The following PSMD1 variants were observed in gnomAD, a reference collection of about 807,000 sequenced individuals.
The protein encoded by PSMD1 is 26S proteasome non-ATPase regulatory subunit 1.
Under a neutral mutation model 119.0 loss-of-function variants are expected in PSMD1, and 18 were observed. The observed-to-expected ratio is 0.15, with a 90% CI of 0.10 to 0.22. The LOEUF (loss-of-function observed/expected upper bound fraction) is 0.22. Ranked by LOEUF, PSMD1 falls within the 10% of genes least tolerant of loss-of-function variation. The pLI is 1.00. For missense variants in PSMD1, 702 were observed against 1,158.5 expected (o/e 0.61, Z 5.72); for synonymous variants, 374 against 396.6 (o/e 0.94, Z 0.68).
At chr2:231,155,235 A>AT (rs1041380743) in intron 19 of PSMD1, among the ~76,000 whole-genome samples, 8 of 151,890 alleles carry the variant, frequency 5.3e-5, no homozygotes, top group African/African-American at 9.7e-5. Flanking sequence ...TTAAGGGAGC[A>AT]TTTTTTTTCA....
At chr2:231,090,746 A>AT (rs1350951380) in intron 16 of PSMD1, among the ~76,000 whole-genome samples, 1 of 152,192 alleles carries the variant, frequency 6.6e-6, no homozygotes, top group Non-Finnish European at 1.5e-5. Flanking sequence ...AGTTGATTCC[A>AT]TCCCTCATGG....
chr2:231,107,102 A>T (rs973052501), intron 16 of PSMD1, among the ~76,000 whole-genome samples: 1 of 152,198 alleles, frequency 6.6e-6, no homozygotes, highest in Non-Finnish European at 1.5e-5. Flanking sequence ...GTAGGGAAAC[A>T]TACCTAAAGC....
intron 5 of PSMD1, among the ~76,000 whole-genome samples, chr2:231,067,513 G>T (rs1365388508): frequency 6.6e-6 from 1 of 152,116 alleles, no homozygotes; most frequent in East Asian, 1.9e-4. Flanking sequence ...TGAGTAAAAT[G>T]GACATTGATC....
intron 6 of PSMD1, 115 bp downstream of exon 6, chr2:231,070,283 G>A (rs752964493): frequency 2.2e-5 from 19 of 861,354 alleles, no homozygotes; most frequent in Non-Finnish European, 2.9e-5. Context: ...ATGTATCTCA[G>A]CTGATCTTCA....
At chr2:231,082,340 A>G (rs1174480750) in intron 12 of PSMD1, among the ~76,000 whole-genome samples, 1 of 152,212 alleles carries the variant, frequency 6.6e-6, no homozygotes, top group Non-Finnish European at 1.5e-5. Context: ...TGCCGGGATT[A>G]CAAGCATGAG....
intron 16 of PSMD1, among the ~76,000 whole-genome samples, chr2:231,130,821 A>T (rs1409058635): frequency 2.0e-5 from 3 of 152,202 alleles, no homozygotes; most frequent in Admixed American, 6.5e-5. Flanking sequence ...ATTAAGGATT[A>T]GTCATTTAAA....
At chr2:231,102,163 T>C (rs529332920) in intron 16 of PSMD1, among the ~76,000 whole-genome samples, 3 of 152,288 alleles carry the variant, frequency 2.0e-5, no homozygotes, top group African/African-American at 7.2e-5. Flanking sequence ...TTGGACATAA[T>C]GATGTTGCAC....
chr2:231,162,202 C>T (rs565080843), intron 20 of PSMD1, among the ~76,000 whole-genome samples: 6 of 152,280 alleles, frequency 3.9e-5, no homozygotes, highest in African/African-American at 1.4e-4. Context: ...TTTCTTAGTC[C>T]TGTGACTTGA....
At chr2:231,089,186 C>T (rs568695020) in intron 16 of PSMD1, among the ~76,000 whole-genome samples, 3 of 152,302 alleles carry the variant, frequency 2.0e-5, no homozygotes, top group African/African-American at 7.2e-5. Flanking sequence ...GAAGCTGTCT[C>T]CATAACATGG....
chr2:231,058,992 T>G (rs1693688119), intron 1 of PSMD1, among the ~76,000 whole-genome samples: 1 of 152,180 alleles, frequency 6.6e-6, no homozygotes, highest in Non-Finnish European at 1.5e-5. Context: ...AGCAGGAAGC[T>G]TGTTTTCACA....
chr2:231,095,967 A>C (rs759688478), intron 16 of PSMD1, among the ~76,000 whole-genome samples: 6 of 152,194 alleles, frequency 3.9e-5, no homozygotes, highest in Non-Finnish European at 5.9e-5. Flanking sequence ...TTCCCTTTAA[A>C]GGCCACTGTT....
intron 19 of PSMD1, among the ~76,000 whole-genome samples, chr2:231,156,377 G>A (rs1289441559): frequency 6.6e-6 from 1 of 151,994 alleles, no homozygotes; most frequent in Non-Finnish European, 1.5e-5. Context: ...GTTTACATTA[G>A]AGTTCACTCT....
chr2:231,080,094 T>A, intron 11 of PSMD1, 47 bp from the exon 12 acceptor site: 3 of 1,517,864 alleles, frequency 2.0e-6, no homozygotes, highest in Non-Finnish European at 1.8e-6. Context: ...GTCTTTTTTC[T>A]TCTTACTTTC....
chr2:231,129,181 A>G (rs1043780689), intron 16 of PSMD1, among the ~76,000 whole-genome samples: 3 of 152,234 alleles, frequency 2.0e-5, no homozygotes, highest in African/African-American at 7.2e-5. Context: ...AAGTACATTT[A>G]TGTTGATTAC....
chr2:231,060,428 A>G (rs1280379601), intron 1 of PSMD1: 1 of 152,210 alleles, frequency 6.6e-6, no homozygotes, highest in Non-Finnish European at 1.5e-5. Flanking sequence ...TTCTGGAATG[A>G]TTTTAAAACC....
chr2:231,126,060 G>A (rs938794238), intron 16 of PSMD1, among the ~76,000 whole-genome samples: 4 of 152,132 alleles, frequency 2.6e-5, no homozygotes, highest in African/African-American at 9.7e-5. Context: ...TAATATTCAA[G>A]AGAAATCAGA....
At position 231,150,325 on chromosome 2, in the gene PSMD1, C is replaced by T. The variant is rs537074337; in HGVS notation, c.2116-3239C>T. On this transcript the variant is annotated intron_variant, in intron 18 of 24. Coordinates refer to ENST00000308696, the MANE Select transcript of PSMD1 (RefSeq NM_002807.4). ...TCACACCACTGCACTCCAGCTTGGG[C>T]GACACAGTGAGGCTGTCTCAAGGAG... 4.8e-4 allele frequency among the ~76,000 whole-genome samples: 72 copies of T among 149,282 alleles called. No homozygotes were observed. The South Asian group carries it at 0.011, about 23-fold the overall frequency.
intron 16 of PSMD1, chr2:231,123,873 A>C: frequency 1.1e-6 from 1 of 882,134 alleles, no homozygotes; most frequent in Non-Finnish European, 1.9e-6. Context: ...AAACACTCAA[A>C]AGCCAAAGTT....
At chr2:231,064,959 C>T (rs1693864512) in intron 4 of PSMD1, among the ~76,000 whole-genome samples, 1 of 151,704 alleles carries the variant, frequency 6.6e-6, no homozygotes, top group Admixed American at 6.6e-5. Flanking sequence ...ACTGACCCAA[C>T]CCACTATGTT....
Sources: allele counts gnomAD v4.1 joint callset (sites outside exome capture counted in the v4.1 genomes callset), GRCh38; gene constraint gnomAD v4.1.1; transcripts MANE v1.5; gene names NCBI Gene and HGNC (gene_info 2026-07-23, HGNC 2026-07-21).